Variants in PSD observed in about 807,000 individuals in gnomAD.
The protein encoded by PSD is pleckstrin and Sec7 domain containing, also known as PH and SEC7 domain-containing protein 1.
Under a neutral mutation model 91.6 loss-of-function variants are expected in PSD, and 32 were observed. The observed-to-expected ratio is 0.35, with a 90% confidence interval of 0.26 to 0.47. PSD has a LOEUF of 0.47. Ranked by LOEUF, PSD falls within the 20% of genes least tolerant of loss-of-function variation. The pLI is 1.00. For synonymous variants in PSD, 532 were observed against 569.3 expected, an observed-to-expected ratio of 0.93 and a Z score of 0.93; for missense variants, 1,099 against 1,373.9, an observed-to-expected ratio of 0.80 and a Z score of 3.16.
intron 11 of PSD, among the ~76,000 whole-genome samples, chr10:102,406,530 C>T (rs1433807723): frequency 1.4e-5 from 2 of 140,858 alleles, no homozygotes; most frequent in Admixed American, 7.3e-5. Context: ...TTTTTTGAGA[C>T]GGAGTCTCTC....
Position 102,402,866 on chromosome 10 carries a change from TG to T in PSD, c.*333del. ...CAGAGGGGGACTGATGGTGTCAGGG[TG>T]GGGGTGGTCTCAGCAGAAAGCAGAA... On this transcript the variant is annotated 3_prime_UTR_variant, in exon 17 of 17. Coordinates refer to ENST00000020673, the MANE Select transcript of PSD (RefSeq NM_002779.5). The T allele has an allele frequency of 7.4e-6, 2 of 271,806 alleles. No homozygotes were observed. The highest frequency in any genetic ancestry group is 1.4e-5 in the Non-Finnish European group (2 of 145,166). The allele number at this position is 271,806 out of a possible 1,614,324, so 16.8% of individuals were successfully genotyped here.
At chr10:102,408,549 A>T (rs562796751) in intron 10 of PSD, among the ~76,000 whole-genome samples, 1 of 152,192 alleles carries the variant, frequency 6.6e-6, no homozygotes, top group African/African-American at 2.4e-5. Context: ...GGAAGTGGCC[A>T]CCAAGATCCA....
Position 102,414,201 on chromosome 10 carries a change from C to T in PSD, c.1125-4G>A. 1.9e-6 allele frequency: 3 copies of T among 1,597,496 alleles called. No homozygotes were observed. Among genetic ancestry groups the T allele is most frequent in the Non-Finnish European group, 2.6e-6 (3 of 1,171,184 alleles). ...GAGAGGCATCCGGCTCCCTGGCCTG[C>T]AGGGGCAGGGAGAATCTCTGATTAG... On this transcript the variant is annotated splice_region_variant and splice_polypyrimidine_tract_variant and intron_variant, in intron 4 of 16. Transcript: ENST00000020673. This position sits in a 1 kb window ranked among gnomAD's most constrained non-coding sequence, Gnocchi z 5.6.
At chr10:102,406,823 T>C (rs965438551) in intron 11 of PSD, among the ~76,000 whole-genome samples, 2 of 152,186 alleles carry the variant, frequency 1.3e-5, no homozygotes, top group Non-Finnish European at 2.9e-5. Context: ...ATGTTTCTAT[T>C]GGAGCCTTCC....
At chr10:102,406,707 G>A (rs3781292) in intron 11 of PSD, among the ~76,000 whole-genome samples, 39,102 of 151,842 alleles carry the variant, frequency 0.26, 5,413 homozygotes, top group South Asian at 0.41. Context: ...CGGTTTCACC[G>A]TTTTAGCCAG....
At chr10:102,415,369 A>T (rs1053083261) in intron 3 of PSD, 140 bp from the exon 4 acceptor site, 3 of 1,042,480 alleles carry the variant, frequency 2.9e-6, no homozygotes, top group Non-Finnish European at 2.6e-6. Flanking sequence ...CCTGCTACAT[A>T]CTTAGCTTGT....
chr10:102,407,828 T>A (rs890857261), intron 10 of PSD, among the ~76,000 whole-genome samples: 25 of 151,864 alleles, frequency 1.6e-4, no homozygotes, highest in African/African-American at 5.6e-4. Context: ...GGCCTCCCCC[T>A]AACCCTGACA....
In PSD at chr10:102,410,681, G is replaced by A. The variant is rs965619243; in HGVS notation, c.2091+177C>T. Among the ~76,000 whole-genome samples the A allele has an allele frequency of 1.3e-5, 2 of 152,184 alleles. No homozygotes were observed. The highest frequency in any genetic ancestry group is 6.5e-5 in the Admixed American group (1 of 15,288). On this transcript the variant is annotated intron_variant, in intron 10 of 16. Transcript: ENST00000020673. This position sits in a 1 kb window ranked among gnomAD's most constrained non-coding sequence, Gnocchi z 6.0. ...GTGCGCATGTTCCGGGAGAGCCTGC[G>A]CGTGGGGCCTGGGGAGGGGGCGGTC...
chr10:102,406,559 G>C (rs1378262430), intron 11 of PSD, among the ~76,000 whole-genome samples: 5 of 150,166 alleles, frequency 3.3e-5, no homozygotes, highest in African/African-American at 1.2e-4. Flanking sequence ...CCAGGCTGGA[G>C]TGCAGTGGCG....
intron 11 of PSD, among the ~76,000 whole-genome samples, chr10:102,406,510 T>TTC (rs1157823147): frequency 2.1e-5 from 3 of 146,062 alleles, no homozygotes; most frequent in African/African-American, 7.6e-5. Context: ...TCTTTTTTCT[T>TTC]TTTTTTTTTT....
chr10:102,415,534 G>A (rs2061469401), intron 3 of PSD, among the ~76,000 whole-genome samples: 1 of 152,110 alleles, frequency 6.6e-6, no homozygotes, highest in African/African-American at 2.4e-5. Context: ...GTGCAGTGGT[G>A]CAATCATAAC....
chr10:102,410,924 G>A lies in PSD; in HGVS notation c.2025C>T (p.Cys675=). Residue 675 remains cysteine (C), a synonymous_variant, in exon 10 of 17, where the codon TGC becomes TGT. Coordinates refer to ENST00000020673, the MANE Select transcript of PSD (RefSeq NM_002779.5). This position sits in a 1 kb window ranked among gnomAD's most constrained non-coding sequence, Gnocchi z 6.0. ...CCTCCAGGTTCCCGATGAAGTCCCC[G>A]CAGGTCATGCGCTTCCCGATGTTCT... ...HGHNIGKRMT[C]GDFIGNLEGL... 1 of 1,613,752 alleles carries A rather than the reference G, an allele frequency of 6.2e-7. No individual in the cohort carries two copies. The highest frequency in any genetic ancestry group is 8.5e-7 in the Non-Finnish European group (1 of 1,179,676).
chr10:102,413,659 T>A, intron 5 of PSD, 110 bp downstream of exon 5: 1 of 1,132,970 alleles, frequency 8.8e-7, no homozygotes, highest in Non-Finnish European at 1.3e-6. Flanking sequence ...CCACCCCTAC[T>A]CAGGGGTCAG....
intron 5 of PSD, 77 bp from the exon 6 acceptor site, chr10:102,412,652 C>A: frequency 1.5e-6 from 2 of 1,308,790 alleles, no homozygotes; most frequent in Non-Finnish European, 1.0e-6. Context: ...GCCTCCAGGC[C>A]CAGAAGATGG....
Position 102,404,432 on chromosome 10 carries a change from G to A in PSD, c.2700+151C>T, listed in dbSNP as rs1462895297. On this transcript the variant is annotated intron_variant, in intron 15 of 16. Transcript: ENST00000020673. This position sits in a 1 kb window ranked among gnomAD's most constrained non-coding sequence, Gnocchi z 5.7. ...TCCCAGCCGGCAAGCGGGACCCAGT[G>A]GGGGCTGGATTTCAGTCCCTGCTCA... The A allele has an allele frequency of 3.0e-6, 3 of 993,762 alleles. No individual in the cohort carries two copies. The highest frequency in any genetic ancestry group is 4.2e-6 in the Non-Finnish European group (3 of 712,664). The allele number at this position is 993,762 out of a possible 1,614,324, so 61.6% of individuals were successfully genotyped here.
chr10:102,415,312 T>C (rs1589893130), intron 3 of PSD, 83 bp from the exon 4 acceptor site: 2 of 1,441,886 alleles, frequency 1.4e-6, no homozygotes, highest in Middle Eastern at 1.8e-4. Context: ...CTCTGCCCAC[T>C]GCCTCATATT....
chr10:102,412,109 G>A (rs749818259), intron 7 of PSD, 38 bp downstream of exon 7: 17 of 1,596,848 alleles, frequency 1.1e-5, no homozygotes, highest in Middle Eastern at 1.7e-4. Flanking sequence ...CACGAACCCC[G>A]GAGAGTGGGG....
chr10:102,416,064 C>T lies in PSD; in HGVS notation c.710G>A (p.Arg237Lys). Reference protein sequence around the residue: ...EVSSHAQRIARAKWEFFYGSL... With the variant: ...EVSSHAQRIAKAKWEFFYGSL... ...GCCATAGAAGAATTCCCATTTGGCT[C>T]TAGCGATTCTCTGGGCATGAGAGGA... The change falls in exon 3 of 17, where the codon AGA (arginine) becomes AAA (lysine). Residue 237 changes from arginine to lysine, a missense_variant. Transcript: ENST00000020673. The surrounding 1 kb of genome is among the most constrained non-coding windows in gnomAD (Gnocchi z 6.0). 6.2e-7 allele frequency: 1 copy of T among 1,613,930 alleles called. No homozygotes were observed. The highest frequency in any genetic ancestry group is 8.5e-7 in the Non-Finnish European group (1 of 1,179,930).
Position 102,405,146 on chromosome 10 carries a change from T to C in PSD, c.2397+37A>G. Reference sequence around the variant, plus strand: ...CATCACCCCACACCCACCAGCCAACTCAGTCCCAGCCCCAGCCCCCTGGCC... The same window carrying C: ...CATCACCCCACACCCACCAGCCAACCCAGTCCCAGCCCCAGCCCCCTGGCC... On this transcript the variant is annotated intron_variant, in intron 13 of 16. Coordinates refer to ENST00000020673, the MANE Select transcript of PSD (RefSeq NM_002779.5). This position sits in a 1 kb window ranked among gnomAD's most constrained non-coding sequence, Gnocchi z 5.4. 6.2e-7 allele frequency: 1 copy of C among 1,606,530 alleles called. No homozygotes were observed.
Sources: allele counts gnomAD v4.1 joint callset (sites outside exome capture counted in the v4.1 genomes callset), GRCh38; gene constraint gnomAD v4.1.1; non-coding constraint Gnocchi (gnomAD v3.1); transcripts MANE v1.5; gene names NCBI Gene and HGNC (gene_info 2026-07-23, HGNC 2026-07-21).